The following GPR174 variants were observed in gnomAD, a reference collection of about 807,000 sequenced individuals.
GPR174 encodes probable G protein-coupled receptor 174.
In GPR174, 8 loss-of-function variants were observed where a neutral mutation model predicts 16.5. That is an observed-to-expected ratio of 0.48 (90% CI 0.28 to 0.87). The LOEUF is 0.87. GPR174 is among the 40% of genes least tolerant of loss of function. The probability of loss-of-function intolerance (pLI) is 0.09; values close to 1 mark genes in which losing one functional copy is unlikely to be tolerated. For missense variants in GPR174, 214 were observed against 247.5 expected (o/e 0.86, Z 0.91); for synonymous variants, 111 against 94.8 (o/e 1.17, Z -0.99).
intron 1 of GPR174, among the ~76,000 whole-genome samples, chrX:79,149,803 T>A (rs1926565934): frequency 9.8e-6 from 1 of 101,562 alleles, no homozygotes; most frequent in South Asian, 4.6e-4. Context: ...TCATGGAGAC[T>A]AGATTAAACC....
rs1926592576 is a variant in GPR174, at chrX:79,151,106, C to T, written c.-653-5716C>T. Among the ~76,000 whole-genome samples, 4 of 111,101 alleles carry T rather than the reference C, an allele frequency of 3.6e-5. No individual in the cohort carries two copies. The South Asian group carries it at 1.5e-3, about 42-fold the overall frequency. The stretch of plus-strand genomic sequence containing the variant: ...GCAGTAAAATATATAAGCAGCTACT[C>T]AGAATCTAAGATTCAGCAGGTTTTT... On this transcript the variant is annotated intron_variant, in intron 1 of 2. Transcript: ENST00000645147.
chrX:79,171,035 C>A lies in GPR174; in HGVS notation c.28C>A (p.Pro10Thr), dbSNP rs940760664. The change falls in exon 3 of 3, where the codon CCA becomes ACA. Residue 10 changes from proline to threonine, a missense_variant. Physicochemically the swap from Pro to Thr is conservative, Grantham distance 38 (BLOSUM62 -1). Transcript: ENST00000645147. ...GCCTGCTAATTACACGTGTACCAGGCCAGATGGAGACAATACAGATTTTCG... is the reference window on the plus strand; with the variant it reads ...GCCTGCTAATTACACGTGTACCAGGACAGATGGAGACAATACAGATTTTCG... MPANYTCTR[P>T]DGDNTDFRYF... 1 of 1,202,660 alleles carries A rather than the reference C, an allele frequency of 8.3e-7. No homozygotes were observed. Among genetic ancestry groups the A allele is most frequent in the Non-Finnish European group, 1.1e-6 (1 of 890,358 alleles).
At position 79,156,630 on chromosome X, in the gene GPR174, T is replaced by C. The variant is rs186193928; in HGVS notation, c.-653-192T>C. ...CGAAAGCTGCCATGTCAAAAAGAGA[T>C]GTCAGATGCTAAAGAGATTCTCACT... On this transcript the variant is annotated intron_variant, in intron 1 of 2. Coordinates refer to ENST00000645147, the MANE Select transcript of GPR174 (RefSeq NM_032553.3). Among the ~76,000 whole-genome samples the C allele has an allele frequency of 2.0e-3, 224 of 111,775 alleles. 1 individual carries two copies. The highest frequency in any genetic ancestry group is 2.8e-3 in the Non-Finnish European group (147 of 53,077).
intron 1 of GPR174, among the ~76,000 whole-genome samples, chrX:79,150,827 G>C (rs760645444): frequency 2.6e-4 from 29 of 111,248 alleles, no homozygotes; most frequent in African/African-American, 8.8e-4. Flanking sequence ...CACATCTCCG[G>C]GAGTTCAGTC....
Position 79,145,046 on chromosome X carries a change from CTTTCTTTCTTTCTTTCTTTT to C in GPR174, c.-821_-802del, listed in dbSNP as rs1926472007. The C allele has an allele frequency of 2.1e-5, 1 of 47,274 alleles. No individual in the cohort carries two copies. The highest frequency in any genetic ancestry group is 3.9e-5 in the Non-Finnish European group (1 of 25,658). 3.9% of individuals were successfully genotyped at this position (47,274 alleles called of 1,213,427 possible). A position where few individuals can be genotyped will look rare whatever the true frequency, so the allele number is the denominator to read the frequency against. ...TCTTTCTTTCTTTCTTTCTTTCTTT[CTTTCTTTCTTTCTTTCTTTT>C]TTTTCTCCTTTTGCTAGTGAAGGAG... is the stretch of plus-strand genomic sequence containing the variant. On this transcript the variant is annotated 5_prime_UTR_variant, in exon 1 of 3. Transcript: ENST00000645147.
At chrX:79,151,008 T>A (rs1275481816) in intron 1 of GPR174, among the ~76,000 whole-genome samples, 1 of 111,001 alleles carries the variant, frequency 9.0e-6, no homozygotes, top group Admixed American at 9.6e-5. Flanking sequence ...ATCCTTGATA[T>A]GGATTTTTTT....
At chrX:79,160,337 G>A (rs1216604411) in intron 2 of GPR174, among the ~76,000 whole-genome samples, 1 of 111,603 alleles carries the variant, frequency 9.0e-6, no homozygotes, top group Non-Finnish European at 1.9e-5. Context: ...TGTTCTGAGT[G>A]TAATTCTAAA....
intron 2 of GPR174, among the ~76,000 whole-genome samples, chrX:79,165,920 C>A (rs1387111372): frequency 2.7e-5 from 3 of 110,792 alleles, no homozygotes; most frequent in Non-Finnish European, 5.7e-5. Flanking sequence ...TTTAAAAAAT[C>A]CTATTTCTTG....
chrX:79,155,603 G>A (rs992450906), intron 1 of GPR174, among the ~76,000 whole-genome samples: 3 of 110,601 alleles, frequency 2.7e-5, no homozygotes, highest in Non-Finnish European at 3.8e-5. Flanking sequence ...TTTTACTTAT[G>A]ATATCTCATG....
At position 79,175,031 on chromosome X, in the gene GPR174, A is replaced by T. The variant is rs1393564758; in HGVS notation, c.*3022A>T. ...ATTTCTATGTAAAAATATTGTTATT[A>T]TTATTATATTCAAATGGTTTATATG... On this transcript the variant is annotated 3_prime_UTR_variant, in exon 3 of 3. Transcript: ENST00000645147. The T allele has an allele frequency of 8.9e-6, 1 of 111,813 alleles. No homozygotes were observed. Among genetic ancestry groups the T allele is most frequent in the Non-Finnish European group, 1.9e-5 (1 of 53,175 alleles). The allele number at this position is 111,813 out of a possible 1,213,427, so 9.2% of individuals were successfully genotyped here. A position where few individuals can be genotyped will look rare whatever the true frequency, so the allele number is the denominator to read the frequency against.
At chrX:79,158,471 G>A in intron 2 of GPR174, among the ~76,000 whole-genome samples, 1 of 90,118 alleles carries the variant, frequency 1.1e-5, no homozygotes, top group Non-Finnish European at 2.1e-5. Flanking sequence ...TTGAGATGGA[G>A]TCTTGCTCTG....
chrX:79,155,213 T>C (rs1921067563), intron 1 of GPR174, among the ~76,000 whole-genome samples: 1 of 111,625 alleles, frequency 9.0e-6, no homozygotes, highest in Non-Finnish European at 1.9e-5. Flanking sequence ...TCTGATTCTG[T>C]TTTCACAAAC....
Position 79,171,713 on chromosome X carries a change from G to T in GPR174, c.706G>T (p.Ala236Ser), listed in dbSNP as rs375231404. The change falls in exon 3 of 3, where the codon GCA becomes TCA. Residue 236 changes from alanine (A) to serine (S), a missense_variant. Ala to Ser is a moderately conservative substitution (Grantham distance 99). Coordinates refer to ENST00000645147, the MANE Select transcript of GPR174 (RefSeq NM_032553.3). Reference protein sequence around the residue: ...QKALKMILTCAGVFLICFAPY... With the variant: ...QKALKMILTCSGVFLICFAPY... ...AGCCTTGAAGATGATTCTAACCTGT[G>T]CAGGGGTATTCCTAATTTGCTTTGC... is the stretch of plus-strand genomic sequence containing the variant. The T allele has an allele frequency of 3.6e-5, 44 of 1,209,448 alleles. No homozygotes were observed. Among genetic ancestry groups the T allele is most frequent in the Middle Eastern group, 4.6e-4 (2 of 4,373 alleles).
Position 79,145,927 on chromosome X carries a change from T to C in GPR174, c.-654+710T>C, listed in dbSNP as rs73507594. On this transcript the variant is annotated intron_variant, in intron 1 of 2. Transcript: ENST00000645147. ...AAGCTCTATTTACGATAGTAAGTAA[T>C]CAGCACATTAAAAAAATCAACAATG... Among the ~76,000 whole-genome samples the C allele has an allele frequency of 7.3e-3, 812 of 111,811 alleles. 7 individuals carry two copies. Among genetic ancestry groups the C allele is most frequent in the African/African-American group, 0.025 (779 of 30,829 alleles).
chrX:79,162,105 T>G (rs778550903), intron 2 of GPR174, among the ~76,000 whole-genome samples: 7 of 112,193 alleles, frequency 6.2e-5, no homozygotes, highest in African/African-American at 1.6e-4. Flanking sequence ...TTGGATGATT[T>G]TTTTAAAGGT....
chrX:79,167,037 C>T lies in GPR174; in HGVS notation c.-556-3415C>T, dbSNP rs151259793. Reference sequence around the variant, plus strand: ...AGAAGGCAGCATTTTAAGATAGTGGCCTTGGAGGACAGGCAGGATTTCAAC... The same window carrying T: ...AGAAGGCAGCATTTTAAGATAGTGGTCTTGGAGGACAGGCAGGATTTCAAC... On this transcript the variant is annotated intron_variant, in intron 2 of 2. Coordinates refer to ENST00000645147, the MANE Select transcript of GPR174 (RefSeq NM_032553.3). Among the ~76,000 whole-genome samples the T allele has an allele frequency of 6.0e-3, 668 of 111,436 alleles. 6 individuals are homozygous for T. The highest frequency in any genetic ancestry group is 0.021 in the African/African-American group (642 of 30,650).
chrX:79,162,698 T>A (rs1027264013), intron 2 of GPR174, among the ~76,000 whole-genome samples: 37 of 111,908 alleles, frequency 3.3e-4, no homozygotes, highest in Non-Finnish European at 6.4e-4. Context: ...TTGCGAGGAA[T>A]GCATAAATTA....
intron 1 of GPR174, among the ~76,000 whole-genome samples, chrX:79,150,883 C>T (rs764630200): frequency 4.5e-5 from 5 of 110,977 alleles, no homozygotes; most frequent in African/African-American, 9.8e-5. Flanking sequence ...AATATGATTT[C>T]GGATTTTGGA....
chrX:79,151,257 A>G (rs1046829466), intron 1 of GPR174, among the ~76,000 whole-genome samples: 7 of 111,887 alleles, frequency 6.3e-5, no homozygotes, highest in African/African-American at 1.9e-4. Flanking sequence ...CATTTTGACA[A>G]CAACTACATT....
Sources: allele counts gnomAD v4.1 joint callset (sites outside exome capture counted in the v4.1 genomes callset), GRCh38; gene constraint gnomAD v4.1.1; transcripts MANE v1.5; gene names NCBI Gene and HGNC (gene_info 2026-07-23, HGNC 2026-07-21).